PEPD: variants seen among roughly 807,000 people sequenced by gnomAD.
PEPD encodes peptidase D, also known as xaa-Pro dipeptidase.
In PEPD, 53 loss-of-function variants were observed where a neutral mutation model predicts 60.7. The ratio of observed to expected loss-of-function variants is 0.87; its 90% CI spans 0.70 to 1.10. The LOEUF (loss-of-function observed/expected upper bound fraction) is 1.10. Among genes scored for constraint, PEPD ranks in the 50% least tolerant of loss-of-function variants. The probability of loss-of-function intolerance (pLI) is 0.00; values close to 1 mark genes in which losing one functional copy is unlikely to be tolerated. For missense variants in PEPD, 711 were observed against 711.9 expected, an observed-to-expected ratio of 1.00 and a Z score of 0.01; for synonymous variants, 267 against 284.1, an observed-to-expected ratio of 0.94 and a Z score of 0.60.
In PEPD at chr19:33,478,098, G is replaced by A. The variant is rs1460300945; in HGVS notation, c.504-8C>T. On this transcript the variant is annotated splice_region_variant and splice_polypyrimidine_tract_variant and intron_variant, in intron 6 of 14. Coordinates refer to ENST00000244137, the MANE Select transcript of PEPD (RefSeq NM_000285.4). ...GTATTGTTGACTTCGAACCTGTAGG[G>A]CGAAAAGAAATCAAGCCCATTAATC... is the stretch of plus-strand genomic sequence containing the variant. 1.2e-6 allele frequency: 2 copies of A among 1,604,040 alleles called. No homozygotes were observed. The highest frequency in any genetic ancestry group is 1.7e-5 in the Admixed American group (1 of 59,552).
intron 2 of PEPD, 96 bp from the exon 3 acceptor site, chr19:33,511,251 AC>A: frequency 7.7e-7 from 1 of 1,301,704 alleles, no homozygotes; most frequent in East Asian, 2.3e-5. Flanking sequence ...GCCAGCTCAG[AC>A]CGACAGCCTC....
intron 11 of PEPD, among the ~76,000 whole-genome samples, chr19:33,406,122 C>G (rs116563882): frequency 6.6e-6 from 1 of 152,132 alleles, no homozygotes; most frequent in Non-Finnish European, 1.5e-5. Flanking sequence ...GGGTGAGGCC[C>G]GGGCGTCAGG....
chr19:33,501,844 A>T (rs1343244692), intron 3 of PEPD, among the ~76,000 whole-genome samples: 1 of 152,178 alleles, frequency 6.6e-6, no homozygotes. Flanking sequence ...CTGGGATTAT[A>T]GGCATTAGGC....
At chr19:33,411,197 C>T (rs572692695) in intron 11 of PEPD, among the ~76,000 whole-genome samples, 3 of 152,310 alleles carry the variant, frequency 2.0e-5, no homozygotes, top group East Asian at 3.9e-4. Context: ...ACTTGCTGAA[C>T]GCAGGGCCGC....
chr19:33,507,060 A>C (rs1469441851), intron 3 of PEPD, among the ~76,000 whole-genome samples: 1 of 151,040 alleles, frequency 6.6e-6, no homozygotes, highest in African/African-American at 2.4e-5. Context: ...ACAGCCCCCC[A>C]CACATACACC....
chr19:33,480,368 T>C lies in PEPD; in HGVS notation c.504-2278A>G, dbSNP rs543927431. ...AGAAGATAAAACAATTACAAATATA[T>C]GCACATAACAGAGCCCTAAGATGTA... On this transcript the variant is annotated intron_variant, in intron 6 of 14. Coordinates refer to ENST00000244137, the MANE Select transcript of PEPD (RefSeq NM_000285.4). Among the ~76,000 whole-genome samples, 211 of 152,226 alleles carry C rather than the reference T, an allele frequency of 1.4e-3. 5 individuals are homozygous for C. In the South Asian group the frequency reaches 0.042, roughly 31 times the overall value.
chr19:33,474,155 G>C (rs1970175467), intron 7 of PEPD, among the ~76,000 whole-genome samples: 1 of 152,188 alleles, frequency 6.6e-6, no homozygotes, highest in South Asian at 2.1e-4. Context: ...CCATTCCAAG[G>C]GTGCTGGACC....
intron 4 of PEPD, among the ~76,000 whole-genome samples, chr19:33,499,342 G>A (rs1422261622): frequency 6.6e-6 from 1 of 152,176 alleles, no homozygotes; most frequent in African/African-American, 2.4e-5. Context: ...TGTAGAGGTG[G>A]GCAGTGCCCT....
rs74505232 is a variant in PEPD at position 33,473,450 on chromosome 19, T to A, written c.548+4596A>T. Among the ~76,000 whole-genome samples, 202 of 152,266 alleles carry A rather than the reference T, an allele frequency of 1.3e-3. 1 individual carries two copies. Among genetic ancestry groups the A allele is most frequent in the African/African-American group, 4.8e-3 (200 of 41,548 alleles). On this transcript the variant is annotated intron_variant, in intron 7 of 14. Transcript: ENST00000244137. ...AGAGGCCGGGGAGCAGAAATAGACA[T>A]GTTACCCACCGCCTGATTAATGCAT...
rs147037805 is a variant in PEPD at position 33,464,171 on chromosome 19, C to T, written c.549-109G>A. 1.4e-4 allele frequency: 115 copies of T among 796,472 alleles called. No homozygotes were observed. In the African/African-American group the frequency reaches 1.7e-3, roughly 12 times the overall value. 49.3% of individuals were successfully genotyped at this position (796,472 alleles called of 1,614,324 possible). A position where few individuals can be genotyped will look rare whatever the true frequency, so the allele number is the denominator to read the frequency against. ...ACCACACCCTGCACAGCCCAGAAGGCGTGTTGTGCAAGGCCAGAGTGGGGC... is the reference window on the plus strand; with the variant it reads ...ACCACACCCTGCACAGCCCAGAAGGTGTGTTGTGCAAGGCCAGAGTGGGGC... On this transcript the variant is annotated intron_variant, in intron 7 of 14. Transcript: ENST00000244137.
rs368332707 is a variant in PEPD at position 33,480,838 on chromosome 19, G to GTA, written c.504-2749_504-2748insTA. On this transcript the variant is annotated intron_variant, in intron 6 of 14. Transcript: ENST00000244137. ...CGTGTGTGTGTGTGTGTGTGTGTGT[G>GTA]TGTATATCAAAAACCTAACACGTAG... Among the ~76,000 whole-genome samples the GTA allele has an allele frequency of 2.1e-3, 273 of 128,834 alleles. 3 individuals are homozygous for GTA. The highest frequency in any genetic ancestry group is 7.1e-3 in the African/African-American group (257 of 36,060). 84.5% of individuals were successfully genotyped at this position (128,834 alleles called of 152,430 possible). A position where few individuals can be genotyped will look rare whatever the true frequency, so the allele number is the denominator to read the frequency against.
At chr19:33,426,140 C>T (rs1465923150) in intron 9 of PEPD, among the ~76,000 whole-genome samples, 1 of 152,078 alleles carries the variant, frequency 6.6e-6, no homozygotes, top group African/African-American at 2.4e-5. Flanking sequence ...ATTTAGGGAA[C>T]ACATGTTTGG....
intron 9 of PEPD, among the ~76,000 whole-genome samples, chr19:33,423,381 C>T (rs923079301): frequency 8.5e-5 from 13 of 152,230 alleles, no homozygotes; most frequent in African/African-American, 2.2e-4. Flanking sequence ...TGCCTCTTCA[C>T]TGTCCTCGGG....
At chr19:33,447,648 A>G (rs1481570520) in intron 9 of PEPD, among the ~76,000 whole-genome samples, 2 of 152,342 alleles carry the variant, frequency 1.3e-5, no homozygotes, top group East Asian at 3.9e-4. Context: ...CCACAGCCAG[A>G]GGGAGCTGCG....
At position 33,409,186 on chromosome 19, in the gene PEPD, T is replaced by C. The variant is rs1360568734; in HGVS notation, c.818+2486A>G. 3.3e-5 allele frequency among the ~76,000 whole-genome samples: 5 copies of C among 152,220 alleles called. No individual in the cohort carries two copies. The East Asian group carries it at 9.6e-4, about 29-fold the overall frequency. ...GTCATAAAGGAGCAGTCACTTCTTCTGGGGTGTGCTGAGCCCACAGAGGAG... is the reference window on the plus strand; with the variant it reads ...GTCATAAAGGAGCAGTCACTTCTTCCGGGGTGTGCTGAGCCCACAGAGGAG... On this transcript the variant is annotated intron_variant, in intron 11 of 14. Coordinates refer to ENST00000244137, the MANE Select transcript of PEPD (RefSeq NM_000285.4).
chr19:33,478,777 A>T (rs1403430862), intron 6 of PEPD, among the ~76,000 whole-genome samples: 3 of 152,202 alleles, frequency 2.0e-5, no homozygotes, highest in African/African-American at 7.2e-5. Context: ...GCAAAACCCA[A>T]GAGAATTTAT....
chr19:33,448,749 A>C (rs770877945), intron 9 of PEPD, among the ~76,000 whole-genome samples: 2 of 152,148 alleles, frequency 1.3e-5, no homozygotes, highest in Non-Finnish European at 2.9e-5. Context: ...GCTATGTAGC[A>C]AGCACCACGC....
At position 33,461,353 on chromosome 19, in the gene PEPD, G is replaced by A. The variant is rs10415455; in HGVS notation, c.671+1642C>T. 9.2e-3 allele frequency among the ~76,000 whole-genome samples: 1,393 copies of A among 152,132 alleles called. 25 individuals carry two copies. The highest frequency in any genetic ancestry group is 0.032 in the African/African-American group (1,318 of 41,534). ...TTACCTGGAAGGCATGAGGGCTAAG[G>A]AACGGCGGGTATTCCAGGTCCCCTG... On this transcript the variant is annotated intron_variant, in intron 9 of 14. Transcript: ENST00000244137.
chr19:33,442,015 G>C (rs1969487780), intron 9 of PEPD, among the ~76,000 whole-genome samples: 1 of 152,212 alleles, frequency 6.6e-6, no homozygotes, highest in African/African-American at 2.4e-5. Context: ...CAAAGATCAG[G>C]GTTCAAAGTT....
Sources: gnomAD v4.1 joint callset for allele counts (sites outside exome capture counted in the v4.1 genomes callset) on GRCh38, gnomAD v4.1.1 for gene constraint, MANE v1.5 for transcripts, NCBI Gene and HGNC (gene_info 2026-07-23, HGNC 2026-07-21) for gene names.